Variants in SYT1 observed in about 807,000 individuals in gnomAD.
The protein encoded by SYT1 is synaptotagmin-1.
In SYT1, 8 loss-of-function variants were observed where a neutral mutation model predicts 44.8. That is an observed-to-expected ratio of 0.18 (90% CI 0.10 to 0.32). The LOEUF (loss-of-function observed/expected upper bound fraction) is 0.32, where lower values mean the gene tolerates loss of function less well. SYT1 is among the 10% of genes least tolerant of loss of function. The probability of loss-of-function intolerance (pLI) is 1.00; values close to 1 mark genes in which losing one functional copy is unlikely to be tolerated. For synonymous variants in SYT1, 154 were observed against 188.8 expected (o/e 0.82, Z 1.51); for missense variants, 286 against 509.3 (o/e 0.56, Z 4.22).
At chr12:79,179,293 C>CAGATTT (rs1448775671) in intron 3 of SYT1, among the ~76,000 whole-genome samples, 18 of 93,154 alleles carry the variant, frequency 1.9e-4, no homozygotes, top group African/African-American at 8.8e-4. Context: ...TATATAGATA[C>CAGATTT]AGATTTAGAT....
At chr12:79,244,918 A>G (rs1472879013) in intron 4 of SYT1, among the ~76,000 whole-genome samples, 1 of 152,122 alleles carries the variant, frequency 6.6e-6, no homozygotes, top group Non-Finnish European at 1.5e-5. Flanking sequence ...AAAGTTACTC[A>G]AAAACTTCAT....
At chr12:79,138,409 T>C (rs1024256217) in intron 3 of SYT1, among the ~76,000 whole-genome samples, 6 of 152,228 alleles carry the variant, frequency 3.9e-5, no homozygotes, top group African/African-American at 1.4e-4. Flanking sequence ...TATTAAATGA[T>C]ATTTTGCTGC....
At chr12:79,201,325 A>G (rs1447425524) in intron 3 of SYT1, among the ~76,000 whole-genome samples, 1 of 152,184 alleles carries the variant, frequency 6.6e-6, no homozygotes, top group African/African-American at 2.4e-5. Flanking sequence ...ATTTTATTTA[A>G]AAGTTGATAA....
intron 3 of SYT1, among the ~76,000 whole-genome samples, chr12:79,123,331 G>C (rs983179319): frequency 1.3e-5 from 2 of 151,714 alleles, no homozygotes; most frequent in African/African-American, 4.8e-5. Flanking sequence ...GTGTGTGTGT[G>C]TGTGTGTGTG....
At chr12:79,399,284 T>C (rs933035568) in intron 9 of SYT1, among the ~76,000 whole-genome samples, 4 of 144,534 alleles carry the variant, frequency 2.8e-5, no homozygotes, top group African/African-American at 1.0e-4. Flanking sequence ...TCTGCAGTAA[T>C]TTGAATTTTT....
chr12:79,417,391 C>T lies in SYT1; in HGVS notation c.929-26682C>T, dbSNP rs79779090. Among the ~76,000 whole-genome samples the T allele has an allele frequency of 6.2e-4, 94 of 152,178 alleles. 1 individual carries two copies. The East Asian group carries it at 0.018, about 29-fold the overall frequency. On this transcript the variant is annotated intron_variant, in intron 9 of 10. Transcript: ENST00000261205. ...CATTCCTCCTAAATCTCTCTCTTAT[C>T]TCCACCTCTGCCTCCTTTCCCGCAA...
intron 4 of SYT1, among the ~76,000 whole-genome samples, chr12:79,255,522 G>A (rs531268201): frequency 2.4e-4 from 36 of 152,228 alleles, no homozygotes; most frequent in African/African-American, 8.7e-4. Flanking sequence ...ATATCTGTAA[G>A]TTATGCCTGT....
intron 1 of SYT1, among the ~76,000 whole-genome samples, chr12:78,876,128 C>A (rs1366394232): frequency 6.6e-6 from 1 of 151,570 alleles, no homozygotes; most frequent in East Asian, 1.9e-4. Flanking sequence ...AGTAAATAAA[C>A]ACAGAAAACA....
At chr12:79,208,066 C>G (rs1208365495) in intron 3 of SYT1, among the ~76,000 whole-genome samples, 3 of 152,186 alleles carry the variant, frequency 2.0e-5, no homozygotes. Flanking sequence ...AGCTGCATCT[C>G]TCTGCACGTA....
intron 1 of SYT1, among the ~76,000 whole-genome samples, chr12:78,898,879 A>G (rs1312805703): frequency 6.6e-6 from 1 of 152,140 alleles, no homozygotes; most frequent in Non-Finnish European, 1.5e-5. Context: ...CTTACAAATT[A>G]TCAGCTAACA....
chr12:78,882,579 ACT>A (rs983010781), intron 1 of SYT1, among the ~76,000 whole-genome samples: 4 of 151,960 alleles, frequency 2.6e-5, no homozygotes, highest in African/African-American at 9.6e-5. Flanking sequence ...GAATTGGCAA[ACT>A]CTGCGTGGTA....
chr12:79,003,933 A>G (rs1870908657), intron 2 of SYT1, among the ~76,000 whole-genome samples: 1 of 151,950 alleles, frequency 6.6e-6, no homozygotes, highest in Non-Finnish European at 1.5e-5. Flanking sequence ...AAAAGTATCA[A>G]TTATGTGGGA....
intron 1 of SYT1, among the ~76,000 whole-genome samples, chr12:78,953,704 A>G (rs188544437): frequency 2.0e-5 from 3 of 152,202 alleles, no homozygotes; most frequent in Admixed American, 2.0e-4. Context: ...CCAAAAGAAA[A>G]ACCATTTTGA....
At chr12:79,271,572 A>G (rs1878428661) in intron 4 of SYT1, among the ~76,000 whole-genome samples, 1 of 152,196 alleles carries the variant, frequency 6.6e-6, no homozygotes, top group Non-Finnish European at 1.5e-5. Context: ...GATTGCACAA[A>G]CCATCCTTAG....
intron 3 of SYT1, among the ~76,000 whole-genome samples, chr12:79,117,678 T>TATAC (rs1879358700): frequency 1.5e-5 from 1 of 66,888 alleles, no homozygotes; most frequent in Non-Finnish European, 3.1e-5. Context: ...TATATATATA[T>TATAC]ATATATATAT....
chr12:79,010,987 CAG>C (rs1871372337), intron 2 of SYT1, among the ~76,000 whole-genome samples: 2 of 152,118 alleles, frequency 1.3e-5, no homozygotes, highest in African/African-American at 2.4e-5. Flanking sequence ...ATTGTACCTG[CAG>C]AGATGGTGAG....
At chr12:78,951,241 C>A (rs370205048) in intron 1 of SYT1, among the ~76,000 whole-genome samples, 3 of 151,944 alleles carry the variant, frequency 2.0e-5, no homozygotes, top group Admixed American at 6.6e-5. Flanking sequence ...CGTTCTTTAC[C>A]TCCTAATACG....
chr12:79,139,811 C>A (rs1869443612), intron 3 of SYT1, among the ~76,000 whole-genome samples: 1 of 152,208 alleles, frequency 6.6e-6, no homozygotes, highest in South Asian at 2.1e-4. Context: ...ACCCAGTGAG[C>A]AGAATAATCA....
At chr12:78,918,100 T>C (rs1000050788) in intron 1 of SYT1, among the ~76,000 whole-genome samples, 1 of 152,080 alleles carries the variant, frequency 6.6e-6, no homozygotes, top group Non-Finnish European at 1.5e-5. Flanking sequence ...TTAAATCTGC[T>C]AGCAAGTTAA....
Sources: gnomAD v4.1 joint callset for allele counts (sites outside exome capture counted in the v4.1 genomes callset) on GRCh38, gnomAD v4.1.1 for gene constraint, MANE v1.5 for transcripts, NCBI Gene and HGNC (gene_info 2026-07-23, HGNC 2026-07-21) for gene names.